PCDHGA8: variants seen among roughly 807,000 people sequenced by gnomAD.
PCDHGA8 encodes the protein protocadherin gamma-A8.
PCDHGA8 carries 45 observed loss-of-function variants against 59.2 expected under a neutral mutation model. That is an observed-to-expected ratio of 0.76 (90% CI 0.60 to 0.98). The LOEUF (loss-of-function observed/expected upper bound fraction) is 0.98, where lower values mean the gene tolerates loss of function less well. Ranked by LOEUF, PCDHGA8 falls within the 50% of genes least tolerant of loss-of-function variation. PCDHGA8 has a pLI of 0.00. For synonymous variants in PCDHGA8, 531 were observed against 519.0 expected (o/e 1.02, Z -0.32); for missense variants, 1,257 against 1,196.2 (o/e 1.05, Z -0.75).
At chr5:141,449,521 G>A (rs1238503983) in intron 1 of PCDHGA8, among the ~76,000 whole-genome samples, 4 of 150,262 alleles carry the variant, frequency 2.7e-5, no homozygotes, top group African/African-American at 9.8e-5. Flanking sequence ...CCTGGGAGGC[G>A]GAGGTTGCAG....
chr5:141,440,075 T>C (rs2098148518), intron 1 of PCDHGA8: 1 of 152,428 alleles, frequency 6.6e-6, no homozygotes, highest in Non-Finnish European at 1.5e-5. Flanking sequence ...TGAGGAATAA[T>C]ACTTCATTCT....
At chr5:141,478,247 G>C (rs1377698933) in intron 1 of PCDHGA8, 1 of 1,613,956 alleles carries the variant, frequency 6.2e-7, no homozygotes, top group Non-Finnish European at 8.5e-7. Context: ...CACAGTGTTC[G>C]GAGTAATCAT....
At chr5:141,410,807 T>C in intron 1 of PCDHGA8, 1 of 647,592 alleles carries the variant, frequency 1.5e-6, no homozygotes, top group Non-Finnish European at 2.4e-6. Flanking sequence ...CTCTATCTTT[T>C]TGTAAAATAA....
At chr5:141,417,787 T>C in intron 1 of PCDHGA8, 1 of 1,477,124 alleles carries the variant, frequency 6.8e-7, no homozygotes, top group Non-Finnish European at 9.0e-7. Flanking sequence ...CTGGGCCGAA[T>C]GCTCTTTTAG....
At chr5:141,464,056 G>C (rs2154568334) in intron 1 of PCDHGA8, among the ~76,000 whole-genome samples, 1 of 152,210 alleles carries the variant, frequency 6.6e-6, no homozygotes, top group East Asian at 1.9e-4. Context: ...CCTGAGGTCA[G>C]GAGTTCAAGG....
chr5:141,413,286 C>G, intron 1 of PCDHGA8: 1 of 1,613,968 alleles, frequency 6.2e-7, no homozygotes, highest in Non-Finnish European at 8.5e-7. Flanking sequence ...AGATCTCCTA[C>G]TCAATTCCTG....
At chr5:141,395,478 T>G in intron 1 of PCDHGA8, 1 of 546,140 alleles carries the variant, frequency 1.8e-6, no homozygotes, top group Non-Finnish European at 3.1e-6. Context: ...CAGTATTTTA[T>G]TCCTATTATC....
At position 141,486,417 on chromosome 5, in the gene PCDHGA8, G is replaced by T. The variant is rs1298448753; in HGVS notation, c.2425-8390G>T. On this transcript the variant is annotated intron_variant, in intron 1 of 3. Transcript: ENST00000398604. The surrounding 1 kb of genome is among the most constrained non-coding windows in gnomAD (Gnocchi z 5.0). ...CTGGTGACTGCTGGACCCTTGGATCGAGAGGCCAAATCTAGCTATGACATC... is the reference window on the plus strand; with the variant it reads ...CTGGTGACTGCTGGACCCTTGGATCTAGAGGCCAAATCTAGCTATGACATC... The T allele has an allele frequency of 6.2e-7, 1 of 1,614,014 alleles. No homozygotes were observed. The highest frequency in any genetic ancestry group is 1.7e-5 in the Admixed American group (1 of 60,010).
rs115982940 is a variant in PCDHGA8, at chr5:141,457,996, G to A, written c.2425-36811G>A. On this transcript the variant is annotated intron_variant, in intron 1 of 3. Transcript: ENST00000398604. ...AACACACCCTTTCAGTTAAAGCCTTGGCAAAATAACCGGTTTTTCCAATTG... is the reference window on the plus strand; with the variant it reads ...AACACACCCTTTCAGTTAAAGCCTTAGCAAAATAACCGGTTTTTCCAATTG... Among the ~76,000 whole-genome samples the A allele has an allele frequency of 2.4e-3, 372 of 152,212 alleles. 2 individuals carry two copies. Among genetic ancestry groups the A allele is most frequent in the African/African-American group, 8.4e-3 (347 of 41,522 alleles).
At chr5:141,458,694 C>G (rs905547768) in intron 1 of PCDHGA8, among the ~76,000 whole-genome samples, 1 of 152,136 alleles carries the variant, frequency 6.6e-6, no homozygotes, top group East Asian at 1.9e-4. Context: ...CTCAGCCTCC[C>G]GAGTAGCTGG....
chr5:141,451,165 A>G (rs2098709571), intron 1 of PCDHGA8, among the ~76,000 whole-genome samples: 1 of 152,116 alleles, frequency 6.6e-6, no homozygotes, highest in Admixed American at 6.6e-5. Context: ...TTTTGGTAGT[A>G]TATTATTTAG....
intron 1 of PCDHGA8, among the ~76,000 whole-genome samples, chr5:141,463,721 C>T (rs1012411825): frequency 1.3e-5 from 2 of 152,046 alleles, no homozygotes; most frequent in Non-Finnish European, 2.9e-5. Flanking sequence ...GCTGGGATTA[C>T]AGGCATGAGC....
rs367905789 is a variant in PCDHGA8 at position 141,487,335 on chromosome 5, G to A, written c.2425-7472G>A. 11 of 1,614,064 alleles carry A rather than the reference G, an allele frequency of 6.8e-6. No individual in the cohort carries two copies. The highest frequency in any genetic ancestry group is 8.5e-6 in the Non-Finnish European group (10 of 1,180,044). Reference sequence around the variant, plus strand: ...TCTAAGTGTCTTCGTGGGGCAGCCTGTGGAGTCACATGCTTTCCTGCTGGC... The same window carrying A: ...TCTAAGTGTCTTCGTGGGGCAGCCTATGGAGTCACATGCTTTCCTGCTGGC... On this transcript the variant is annotated intron_variant, in intron 1 of 3. Transcript: ENST00000398604. This position sits in a 1 kb window ranked among gnomAD's most constrained non-coding sequence, Gnocchi z 5.0.
Position 141,486,369 on chromosome 5 carries a change from C to A in PCDHGA8, c.2425-8438C>A. On this transcript the variant is annotated intron_variant, in intron 1 of 3. Coordinates refer to ENST00000398604, the MANE Select transcript of PCDHGA8 (RefSeq NM_032088.2). This position sits in a 1 kb window ranked among gnomAD's most constrained non-coding sequence, Gnocchi z 5.0. ...GACCACTTGCCATTTGCCCTCAAGT[C>A]TGCCTTCAGGAACCAGTTCTCCCTG... 6.2e-7 allele frequency: 1 copy of A among 1,614,128 alleles called. No individual in the cohort carries two copies. Among genetic ancestry groups the A allele is most frequent in the African/African-American group, 1.3e-5 (1 of 75,048 alleles).
chr5:141,454,493 A>G (rs1328573277), intron 1 of PCDHGA8, among the ~76,000 whole-genome samples: 1 of 151,866 alleles, frequency 6.6e-6, no homozygotes, highest in Non-Finnish European at 1.5e-5. Context: ...CGCAACCTCC[A>G]CCTCCTGGAT....
intron 1 of PCDHGA8, chr5:141,404,091 G>A (rs1404367820): frequency 6.2e-7 from 1 of 1,613,422 alleles, no homozygotes; most frequent in Non-Finnish European, 8.5e-7. Flanking sequence ...GGGAAGAATG[G>A]TCAAGTTGTC....
chr5:141,400,611 G>T (rs555600694), intron 1 of PCDHGA8: 1 of 1,573,002 alleles, frequency 6.4e-7, no homozygotes, highest in South Asian at 1.1e-5. Context: ...CAAGTCCAAT[G>T]AGTTGTCTTA....
rs1370450155 is a variant in PCDHGA8, at chr5:141,431,480, G to T, written c.2424+36243G>T. On this transcript the variant is annotated intron_variant, in intron 1 of 3. Coordinates refer to ENST00000398604, the MANE Select transcript of PCDHGA8 (RefSeq NM_032088.2). This position sits in a 1 kb window ranked among gnomAD's most constrained non-coding sequence, Gnocchi z 4.8. Reference sequence around the variant, plus strand: ...TCTGGATGCGAACGACAACGCACCAGCGTTTGCTCAGCCCGAGTACCGCGC... The same window carrying T: ...TCTGGATGCGAACGACAACGCACCATCGTTTGCTCAGCCCGAGTACCGCGC... 3 of 1,613,924 alleles carry T rather than the reference G, an allele frequency of 1.9e-6. No individual in the cohort carries two copies. Among genetic ancestry groups the T allele is most frequent in the Non-Finnish European group, 2.5e-6 (3 of 1,179,990 alleles).
At position 141,394,355 on chromosome 5, in the gene PCDHGA8, G is replaced by A; in HGVS notation, c.1542G>A (p.Leu514=). 6.2e-7 allele frequency: 1 copy of A among 1,614,182 alleles called. No homozygotes were observed. Among genetic ancestry groups the A allele is most frequent in the Non-Finnish European group, 8.5e-7 (1 of 1,180,020 alleles). ...CCATCAACTCTGACACCGGTGTCCTGTATGCGCTGCAATCTTTCGACTATG... is the reference window on the plus strand; with the variant it reads ...CCATCAACTCTGACACCGGTGTCCTATATGCGCTGCAATCTTTCGACTATG... ...YISINSDTGV[L]YALQSFDYEQ... is the part of the protein sequence containing the mutation. Residue 514 remains leucine (L), a synonymous_variant, in exon 1 of 4, where the codon CTG becomes CTA. Transcript: ENST00000398604.
Sources: gnomAD v4.1 joint callset for allele counts (sites outside exome capture counted in the v4.1 genomes callset) on GRCh38, gnomAD v4.1.1 for gene constraint, Gnocchi (gnomAD v3.1) non-coding constraint, MANE v1.5 for transcripts, NCBI Gene and HGNC (gene_info 2026-07-23, HGNC 2026-07-21) for gene names.